The following THADA variants were observed in gnomAD, a reference collection of about 807,000 sequenced individuals.
THADA encodes the protein tRNA (32-2'-O)-methyltransferase regulator THADA.
THADA carries 213 observed loss-of-function variants against 219.8 expected under a neutral mutation model. The observed-to-expected ratio is 0.97, with a 90% confidence interval of 0.87 to 1.09. The LOEUF (loss-of-function observed/expected upper bound fraction) is 1.09. THADA is among the 50% of genes least tolerant of loss of function. The probability of loss-of-function intolerance (pLI) is 0.00; values close to 1 mark genes in which losing one functional copy is unlikely to be tolerated. For synonymous variants in THADA, 1,018 were observed against 828.9 expected (o/e 1.23, Z -3.92); for missense variants, 2,956 against 2,311.3 (o/e 1.28, Z -5.72).
chr2:43,435,220 C>G (rs1176335453), intron 26 of THADA, among the ~76,000 whole-genome samples: 1 of 151,694 alleles, frequency 6.6e-6, no homozygotes, highest in Non-Finnish European at 1.5e-5. Flanking sequence ...TTTGGGAGGC[C>G]CAGGTGAGAG....
intron 33 of THADA, 157 bp from the exon 34 acceptor site, chr2:43,291,925 G>C: frequency 1.3e-6 from 1 of 776,074 alleles, no homozygotes; most frequent in Non-Finnish European, 2.0e-6. Context: ...TTACCTTTTG[G>C]TTATTAATGC....
At chr2:43,445,129 G>C (rs1681355778) in intron 26 of THADA, among the ~76,000 whole-genome samples, 1 of 152,072 alleles carries the variant, frequency 6.6e-6, no homozygotes, top group Non-Finnish European at 1.5e-5. Context: ...AACGGCCTGT[G>C]TCTCCTCACC....
chr2:43,333,463 T>C (rs2104504503), intron 30 of THADA, among the ~76,000 whole-genome samples: 1 of 151,542 alleles, frequency 6.6e-6, no homozygotes, highest in South Asian at 2.1e-4. Flanking sequence ...TTCCATTTTT[T>C]TCCTAAAAAA....
At chr2:43,393,054 C>G (rs886539967) in intron 29 of THADA, among the ~76,000 whole-genome samples, 1 of 152,108 alleles carries the variant, frequency 6.6e-6, no homozygotes, top group Non-Finnish European at 1.5e-5. Flanking sequence ...ATGGACTTGG[C>G]TATAGCCTAG....
At chr2:43,521,169 G>T in intron 22 of THADA, among the ~76,000 whole-genome samples, 1 of 150,688 alleles carries the variant, frequency 6.6e-6, no homozygotes, top group East Asian at 2.0e-4. Context: ...GGAAGGAAAG[G>T]AGGGAGGGAG....
intron 29 of THADA, among the ~76,000 whole-genome samples, chr2:43,359,932 CTT>C (rs981999906): frequency 1.4e-5 from 2 of 143,642 alleles, no homozygotes; most frequent in Admixed American, 6.9e-5. Context: ...CTCCAACGGG[CTT>C]TTTTTTTTTT....
chr2:43,535,147 T>C (rs1694390272), intron 21 of THADA, among the ~76,000 whole-genome samples: 1 of 150,506 alleles, frequency 6.6e-6, no homozygotes, highest in South Asian at 2.1e-4. Context: ...TTTTGAGAAA[T>C]GTCTGTTCAG....
Position 43,236,195 on chromosome 2 carries a change from T to G in THADA, c.5297-3313A>C. ...AGGCAAAAGGGAAGAGCTGGTGTGA[T>G]GTGGCCAGAAGTGGGTCTAGATAGA... On this transcript the variant is annotated intron_variant, in intron 36 of 37. Coordinates refer to ENST00000405975, the MANE Select transcript of THADA (RefSeq NM_022065.5). 2.0e-5 allele frequency among the ~76,000 whole-genome samples: 3 copies of G among 152,222 alleles called. No homozygotes were observed. The South Asian group carries it at 6.2e-4, about 32-fold the overall frequency.
At chr2:43,300,488 A>T (rs1190696492) in intron 31 of THADA, among the ~76,000 whole-genome samples, 1 of 152,196 alleles carries the variant, frequency 6.6e-6, no homozygotes, top group Admixed American at 6.5e-5. Flanking sequence ...CACTAAAGCC[A>T]TATGAAAGAC....
At chr2:43,419,029 T>A (rs12477432) in intron 28 of THADA, among the ~76,000 whole-genome samples, 47,164 of 152,014 alleles carry the variant, frequency 0.31, 7,638 homozygotes, top group Non-Finnish European at 0.36. Flanking sequence ...CACCTTTTCC[T>A]AGAGCCTGGC....
chr2:43,304,850 T>G (rs1368264036), intron 31 of THADA, among the ~76,000 whole-genome samples: 10 of 152,118 alleles, frequency 6.6e-5, no homozygotes, highest in African/African-American at 2.4e-4. Flanking sequence ...TTTTGTATTT[T>G]TAGTAGAGAC....
chr2:43,441,117 T>C (rs1287007107), intron 26 of THADA, among the ~76,000 whole-genome samples: 1 of 152,226 alleles, frequency 6.6e-6, no homozygotes, highest in Admixed American at 6.5e-5. Flanking sequence ...CCATGCCTGA[T>C]GGTGCGGACT....
At chr2:43,578,757 C>T in intron 8 of THADA, 150 bp from the exon 9 acceptor site, 2 of 470,014 alleles carry the variant, frequency 4.3e-6, no homozygotes, top group Non-Finnish European at 7.7e-6. Flanking sequence ...AGTTATTTAA[C>T]ATCCCACAGA....
chr2:43,400,476 T>TATATATATATATATAA (rs903186497), intron 28 of THADA, among the ~76,000 whole-genome samples: 37 of 144,456 alleles, frequency 2.6e-4, no homozygotes, highest in African/African-American at 9.1e-4. Flanking sequence ...TATATATATA[T>TATATATATATATATAA]AAATATATAC....
chr2:43,526,650 C>T (rs1693204354), intron 22 of THADA, among the ~76,000 whole-genome samples: 1 of 152,206 alleles, frequency 6.6e-6, no homozygotes, highest in African/African-American at 2.4e-5. Context: ...AGTCCACACA[C>T]ATCCACACAC....
intron 28 of THADA, among the ~76,000 whole-genome samples, chr2:43,425,450 G>A (rs1678301822): frequency 1.2e-5 from 1 of 82,800 alleles, no homozygotes; most frequent in East Asian, 2.1e-4. Context: ...AATTGTATGT[G>A]TGTGTGTGTG....
intron 8 of THADA, among the ~76,000 whole-genome samples, chr2:43,578,886 T>C (rs1700125983): frequency 1.3e-5 from 2 of 152,198 alleles, no homozygotes; most frequent in African/African-American, 4.8e-5. Context: ...GGCTGGAGTG[T>C]AGTAGCGTGA....
intron 29 of THADA, among the ~76,000 whole-genome samples, chr2:43,396,935 A>T (rs1157128805): frequency 1.3e-5 from 2 of 152,210 alleles, no homozygotes; most frequent in African/African-American, 4.8e-5. Flanking sequence ...TAATGATAAT[A>T]ATAACAATAA....
chr2:43,523,260 G>A (rs768212624), intron 22 of THADA, among the ~76,000 whole-genome samples: 1 of 151,962 alleles, frequency 6.6e-6, no homozygotes, highest in Non-Finnish European at 1.5e-5. Context: ...TAGCTACTTG[G>A]GAGGCTGAGA....
Sources: allele counts gnomAD v4.1 joint callset (sites outside exome capture counted in the v4.1 genomes callset), GRCh38; gene constraint gnomAD v4.1.1; transcripts MANE v1.5; gene names NCBI Gene and HGNC (gene_info 2026-07-23, HGNC 2026-07-21).